MAS1: variants seen among roughly 807,000 people sequenced by gnomAD.
The protein encoded by MAS1 is proto-oncogene Mas.
For synonymous variants in MAS1, 163 were observed against 164.2 expected (o/e 0.99, Z 0.05); for missense variants, 387 against 409.7 (o/e 0.94, Z 0.48).
rs1327988835 is a variant in MAS1, at chr6:159,910,455, C to G, written c.*2522C>G. 2 of 152,262 alleles carry G rather than the reference C, an allele frequency of 1.3e-5. No individual in the cohort carries two copies. Among genetic ancestry groups the G allele is most frequent in the Non-Finnish European group, 1.5e-5 (1 of 68,076 alleles). The allele number at this position is 152,262 out of a possible 1,614,324, so 9.4% of individuals were successfully genotyped here. ...ATATTGCATGCAGCCTCTTCTGTTC[C>G]CTCCCCTGCCCACTGGGGTTTCTCC... On this transcript the variant is annotated 3_prime_UTR_variant, in exon 3 of 3. Coordinates refer to ENST00000674077, the MANE Select transcript of MAS1 (RefSeq NM_002377.4).
At chr6:159,899,818 C>T (rs112763653) in intron 2 of MAS1, among the ~76,000 whole-genome samples, 3,363 of 152,138 alleles carry the variant, frequency 0.022, 117 homozygotes, top group African/African-American at 0.076. Context: ...GAGGCCTAGG[C>T]GGGTGGATCA....
Position 159,914,031 on chromosome 6 carries a change from A to G in MAS1, c.*6098A>G, listed in dbSNP as rs151105987. 178 of 152,354 alleles carry G rather than the reference A, an allele frequency of 1.2e-3. No homozygotes were observed. The highest frequency in any genetic ancestry group is 4.3e-3 in the African/African-American group (177 of 41,582). 9.4% of individuals were successfully genotyped at this position (152,354 alleles called of 1,614,324 possible). On this transcript the variant is annotated 3_prime_UTR_variant, in exon 3 of 3. Coordinates refer to ENST00000674077, the MANE Select transcript of MAS1 (RefSeq NM_002377.4). ...CAACATGAAACTAATGATTCAAATG[A>G]TAAGAGGCAAGTGCCAGGCACAAAT...
intron 2 of MAS1, among the ~76,000 whole-genome samples, chr6:159,902,713 C>T (rs1300588408): frequency 1.3e-5 from 2 of 152,052 alleles, no homozygotes; most frequent in African/African-American, 2.4e-5. Context: ...CTCTCTCCAA[C>T]ACCAGCAGCA....
At chr6:159,891,616 T>G (rs541146924) in intron 1 of MAS1, among the ~76,000 whole-genome samples, 1 of 152,246 alleles carries the variant, frequency 6.6e-6, no homozygotes, top group African/African-American at 2.4e-5. Context: ...GTATTGATTT[T>G]TCTTCATTTT....
At chr6:159,903,684 A>G (rs1583213659) in intron 2 of MAS1, among the ~76,000 whole-genome samples, 1 of 152,124 alleles carries the variant, frequency 6.6e-6, no homozygotes, top group Middle Eastern at 3.4e-3. Flanking sequence ...CTGCAGCCAC[A>G]CACCCTGCCT....
intron 2 of MAS1, among the ~76,000 whole-genome samples, chr6:159,905,541 C>A (rs1782875313): frequency 6.6e-6 from 1 of 152,146 alleles, no homozygotes; most frequent in Non-Finnish European, 1.5e-5. Flanking sequence ...TTTCACCAAC[C>A]CAAAGGCTAC....
chr6:159,901,183 TTAGGA>T, intron 2 of MAS1, among the ~76,000 whole-genome samples: 1 of 152,172 alleles, frequency 6.6e-6, no homozygotes, highest in South Asian at 2.1e-4. Flanking sequence ...GGCCCCACTC[TTAGGA>T]CCTTATTTAG....
Position 159,908,174 on chromosome 6 carries a change from A to C in MAS1, c.*241A>C, listed in dbSNP as rs1161636239. ...GCTCTTTTGGCAGCATCTTACCATG[A>C]ACCATAAAAATGACTTTTGCAGGAA... On this transcript the variant is annotated 3_prime_UTR_variant, in exon 3 of 3. Coordinates refer to ENST00000674077, the MANE Select transcript of MAS1 (RefSeq NM_002377.4). 2 of 375,610 alleles carry C rather than the reference A, an allele frequency of 5.3e-6. No individual in the cohort carries two copies. The highest frequency in any genetic ancestry group is 9.4e-6 in the Non-Finnish European group (2 of 212,014). The allele number at this position is 375,610 out of a possible 1,614,324, so 23.3% of individuals were successfully genotyped here. A position where few individuals can be genotyped will look rare whatever the true frequency, so the allele number is the denominator to read the frequency against.
intron 2 of MAS1, among the ~76,000 whole-genome samples, chr6:159,904,388 C>T (rs548862667): frequency 3.3e-5 from 5 of 152,228 alleles, no homozygotes; most frequent in Admixed American, 1.3e-4. Flanking sequence ...ACAGGCTTCT[C>T]GAACTCCACA....
rs997909898 is a variant in MAS1 at position 159,913,179 on chromosome 6, A to G, written c.*5246A>G. 1.3e-5 allele frequency: 2 copies of G among 152,190 alleles called. No individual in the cohort carries two copies. The highest frequency in any genetic ancestry group is 4.8e-5 in the African/African-American group (2 of 41,434). The allele number at this position is 152,190 out of a possible 1,614,324, so 9.4% of individuals were successfully genotyped here. A position where few individuals can be genotyped will look rare whatever the true frequency, so the allele number is the denominator to read the frequency against. ...GGAGTTTGAGACCAGCCTGGCCAAC[A>G]TGGTGAAACCCCATCTCTGCTGAAA... is the stretch of plus-strand genomic sequence containing the variant. On this transcript the variant is annotated 3_prime_UTR_variant, in exon 3 of 3. Coordinates refer to ENST00000674077, the MANE Select transcript of MAS1 (RefSeq NM_002377.4).
rs754835270 is a variant in MAS1, at chr6:159,907,409, G to T, written c.454G>T (p.Val152Phe). Reference sequence around the variant, plus strand: ...TCGCCCCAAGTACCAGTCGGCATTGGTCTGTGCCCTTCTGTGGGCTCTTTC... The same window carrying T: ...TCGCCCCAAGTACCAGTCGGCATTGTTCTGTGCCCTTCTGTGGGCTCTTTC... ...CHRPKYQSAL[V>F]CALLWALSCL... Residue 152 changes from valine to phenylalanine, a missense_variant, in exon 3 of 3, where the codon GTC (valine) becomes TTC (phenylalanine). By Grantham distance (50) the Val-to-Phe change is conservative (BLOSUM62 -1). Coordinates refer to ENST00000674077, the MANE Select transcript of MAS1 (RefSeq NM_002377.4). The T allele has an allele frequency of 2.5e-6, 4 of 1,614,098 alleles. No homozygotes were observed. In the African/African-American group the frequency reaches 4.0e-5, roughly 16 times the overall value.
In MAS1 at chr6:159,908,051, G is replaced by A; in HGVS notation, c.*118G>A. Reference sequence around the variant, plus strand: ...TACAGAAGAACATCTCATCCCATATGCATGAGATACTAATTAATGATGAAA... The same window carrying A: ...TACAGAAGAACATCTCATCCCATATACATGAGATACTAATTAATGATGAAA... On this transcript the variant is annotated 3_prime_UTR_variant, in exon 3 of 3. Coordinates refer to ENST00000674077, the MANE Select transcript of MAS1 (RefSeq NM_002377.4). 9.0e-7 allele frequency: 1 copy of A among 1,112,088 alleles called. No individual in the cohort carries two copies. Among genetic ancestry groups the A allele is most frequent in the Non-Finnish European group, 1.3e-6 (1 of 792,772 alleles). The allele number at this position is 1,112,088 out of a possible 1,614,324, so 68.9% of individuals were successfully genotyped here. A position where few individuals can be genotyped will look rare whatever the true frequency, so the allele number is the denominator to read the frequency against.
At chr6:159,893,498 A>T (rs1276378203) in intron 1 of MAS1, among the ~76,000 whole-genome samples, 1 of 152,180 alleles carries the variant, frequency 6.6e-6, no homozygotes, top group East Asian at 1.9e-4. Flanking sequence ...GCAACCATTC[A>T]TAGGTGGGTT....
chr6:159,900,025 G>A (rs143617259), intron 2 of MAS1, among the ~76,000 whole-genome samples: 1 of 152,116 alleles, frequency 6.6e-6, no homozygotes, highest in African/African-American at 2.4e-5. Context: ...CAGCCTGGGC[G>A]ATAGAATGAG....
At chr6:159,903,941 T>A (rs1248251510) in intron 2 of MAS1, among the ~76,000 whole-genome samples, 2 of 152,200 alleles carry the variant, frequency 1.3e-5, no homozygotes, top group Non-Finnish European at 2.9e-5. Flanking sequence ...AAAATACTCC[T>A]ACCAAGGTCA....
rs369310126 is a variant in MAS1, at chr6:159,916,695, C to T, written c.*8762C>T. Among the ~76,000 whole-genome samples the T allele has an allele frequency of 4.9e-4, 74 of 152,262 alleles. No individual in the cohort carries two copies. Among genetic ancestry groups the T allele is most frequent in the African/African-American group, 1.7e-3 (71 of 41,564 alleles). ...CTGTTGCCAGTGAGAGGCAAAGACA[C>T]GAGGCCAATTCAACAACCCACCTCA... On this transcript the variant is annotated 3_prime_UTR_variant, in exon 3 of 3. Coordinates refer to ENST00000674077, the MANE Select transcript of MAS1 (RefSeq NM_002377.4).
chr6:159,912,301 A>G lies in MAS1; in HGVS notation c.*4368A>G, dbSNP rs930116960. 6.6e-6 allele frequency: 1 copy of G among 152,238 alleles called. No individual in the cohort carries two copies. The highest frequency in any genetic ancestry group is 1.5e-5 in the Non-Finnish European group (1 of 68,040). 9.4% of individuals were successfully genotyped at this position (152,238 alleles called of 1,614,324 possible). A position where few individuals can be genotyped will look rare whatever the true frequency, so the allele number is the denominator to read the frequency against. The stretch of plus-strand genomic sequence containing the variant: ...CCTAGAATTTCACCATTAGAAGAGT[A>G]GTTCTGTTAGGTTGAAATTTGTCTT... On this transcript the variant is annotated 3_prime_UTR_variant, in exon 3 of 3. Coordinates refer to ENST00000674077, the MANE Select transcript of MAS1 (RefSeq NM_002377.4).
At chr6:159,898,525 TCCTCCTCCTC>T (rs1176730204) in intron 1 of MAS1, among the ~76,000 whole-genome samples, 141 of 142,234 alleles carry the variant, frequency 9.9e-4, no homozygotes, top group Middle Eastern at 3.9e-3. Flanking sequence ...TCCTCCTTCT[TCCTCCTCCTC>T]CCTCCTCCTC....
At position 159,909,724 on chromosome 6, in the gene MAS1, CA is replaced by C. The variant is rs1255009729; in HGVS notation, c.*1793del. On this transcript the variant is annotated 3_prime_UTR_variant, in exon 3 of 3. Transcript: ENST00000674077. ...GGCCTCTGGGGTAGGGAAAGGGGGC[CA>C]ACCTCGTCTCATCTCTAAGGGGATC... 1 of 152,160 alleles carries C rather than the reference CA, an allele frequency of 6.6e-6. No individual in the cohort carries two copies. The highest frequency in any genetic ancestry group is 2.4e-5 in the African/African-American group (1 of 41,390). 9.4% of individuals were successfully genotyped at this position (152,160 alleles called of 1,614,324 possible). A position where few individuals can be genotyped will look rare whatever the true frequency, so the allele number is the denominator to read the frequency against.
Sources: gnomAD v4.1 joint callset for allele counts (sites outside exome capture counted in the v4.1 genomes callset) on GRCh38, gnomAD v4.1.1 for gene constraint, MANE v1.5 for transcripts, NCBI Gene and HGNC (gene_info 2026-07-23, HGNC 2026-07-21) for gene names.